The following FGF14 variants were observed in gnomAD, a reference collection of about 807,000 sequenced individuals.
FGF14 encodes the protein fibroblast growth factor homologous factor 4.
In FGF14, 5 loss-of-function variants were observed where a neutral mutation model predicts 25.5. The ratio of observed to expected loss-of-function variants is 0.20; its 90% CI spans 0.10 to 0.41. FGF14 has a LOEUF of 0.41. FGF14 is among the 10% of genes least tolerant of loss of function. The pLI, the probability that FGF14 is intolerant of heterozygous loss-of-function variation, is 1.00. For synonymous variants in FGF14, 138 were observed against 118.3 expected (o/e 1.17, Z -1.08); for missense variants, 222 against 320.1 (o/e 0.69, Z 2.34).
intron 1 of FGF14, among the ~76,000 whole-genome samples, chr13:102,275,262 T>TTTCTCTCTCTCTCTC (rs2053473719): frequency 1.2e-4 from 8 of 68,914 alleles, no homozygotes; most frequent in African/African-American, 3.5e-4. Flanking sequence ...CTCTCTCTCT[T>TTTCTCTCTCTCTCTC]TCTCTCTCTC....
chr13:101,973,789 T>C (rs1011196793), intron 1 of FGF14, among the ~76,000 whole-genome samples: 1 of 152,198 alleles, frequency 6.6e-6, no homozygotes, highest in African/African-American at 2.4e-5. Context: ...TAATCTCCTT[T>C]GGCAACACCC....
intron 1 of FGF14, among the ~76,000 whole-genome samples, chr13:102,205,729 T>C (rs188793521): frequency 1.0e-3 from 122 of 119,404 alleles, no homozygotes; most frequent in African/African-American, 4.0e-3. Context: ...CCGAGAAAGG[T>C]TGAGAGACAA....
intron 4 of FGF14, among the ~76,000 whole-genome samples, chr13:101,725,463 A>C (rs117931506): frequency 0.01 from 1,565 of 152,188 alleles, 14 homozygotes; most frequent in Non-Finnish European, 0.017. Flanking sequence ...AATATAATTA[A>C]GAGTGACACT....
chr13:102,158,861 A>G (rs1053343867), intron 1 of FGF14, among the ~76,000 whole-genome samples: 5 of 152,160 alleles, frequency 3.3e-5, no homozygotes, highest in African/African-American at 9.7e-5. Context: ...ACATTCGGCC[A>G]GGTGCAGTGG....
At chr13:102,037,680 C>T (rs528279768) in intron 1 of FGF14, among the ~76,000 whole-genome samples, 1 of 152,214 alleles carries the variant, frequency 6.6e-6, no homozygotes, top group African/African-American at 2.4e-5. Context: ...CAGCAGTTTG[C>T]TAAATTTGTT....
At chr13:102,251,747 C>T (rs563137583) in intron 1 of FGF14, among the ~76,000 whole-genome samples, 1 of 152,286 alleles carries the variant, frequency 6.6e-6, no homozygotes, top group East Asian at 1.9e-4. Context: ...TCAGATGCCA[C>T]ACCCTTTACA....
intron 1 of FGF14, among the ~76,000 whole-genome samples, chr13:102,034,183 C>T (rs2041355755): frequency 6.6e-6 from 1 of 152,064 alleles, no homozygotes; most frequent in Non-Finnish European, 1.5e-5. Context: ...AGAGACTGTA[C>T]CCTCCAGAAG....
At chr13:102,072,453 G>A (rs987591615) in intron 1 of FGF14, among the ~76,000 whole-genome samples, 2 of 152,100 alleles carry the variant, frequency 1.3e-5, no homozygotes, top group African/African-American at 4.8e-5. Context: ...AACAAAAGTA[G>A]CAATTAATAG....
chr13:102,275,181 T>C (rs1477943028), intron 1 of FGF14, among the ~76,000 whole-genome samples: 2 of 151,392 alleles, frequency 1.3e-5, no homozygotes, highest in African/African-American at 2.4e-5. Flanking sequence ...TGGGTAATAC[T>C]TCCTGTAATG....
At chr13:101,891,533 C>T (rs1212534389) in intron 1 of FGF14, among the ~76,000 whole-genome samples, 1 of 152,086 alleles carries the variant, frequency 6.6e-6, no homozygotes, top group Non-Finnish European at 1.5e-5. Flanking sequence ...GAATGACAGC[C>T]ATCATTTAGC....
chr13:102,296,610 T>C (rs893521501), intron 1 of FGF14, among the ~76,000 whole-genome samples: 2 of 152,198 alleles, frequency 1.3e-5, no homozygotes, highest in Non-Finnish European at 2.9e-5. Context: ...TATTTAGTCT[T>C]GAGCTTGAAG....
At chr13:102,205,934 TCA>T (rs2049890739) in intron 1 of FGF14, among the ~76,000 whole-genome samples, 1 of 129,948 alleles carries the variant, frequency 7.7e-6, no homozygotes, top group Non-Finnish European at 1.6e-5. Context: ...CGTGGACCAG[TCA>T]CTGGGACTTG....
intron 4 of FGF14, among the ~76,000 whole-genome samples, chr13:101,724,480 A>G (rs1450996310): frequency 1.3e-5 from 2 of 151,550 alleles, no homozygotes; most frequent in African/African-American, 4.9e-5. Flanking sequence ...ATTAGGAGAT[A>G]TACCTAATGT....
intron 1 of FGF14, among the ~76,000 whole-genome samples, chr13:101,953,872 G>A (rs890656340): frequency 2.0e-5 from 3 of 152,084 alleles, no homozygotes; most frequent in Non-Finnish European, 4.4e-5. Context: ...TTACAGGAGT[G>A]AGTCACCGTG....
rs2139609465 is a variant in FGF14, at chr13:101,712,838, A to G, written c.*9993T>C. On this transcript the variant is annotated 3_prime_UTR_variant, in exon 5 of 5. Coordinates refer to ENST00000376143, the MANE Select transcript of FGF14 (RefSeq NM_004115.4). Reference sequence around the variant, plus strand: ...GGATAAAGAAATCTCTAAAATCAGGAAATTCCTCACCTTGATGAGACCACA... The same window carrying G: ...GGATAAAGAAATCTCTAAAATCAGGGAATTCCTCACCTTGATGAGACCACA... 1 of 152,302 alleles carries G rather than the reference A, an allele frequency of 6.6e-6. No individual in the cohort carries two copies. The highest frequency in any genetic ancestry group is 2.1e-4 in the South Asian group (1 of 4,830). The allele number at this position is 152,302 out of a possible 1,614,324, so 9.4% of individuals were successfully genotyped here. A position where few individuals can be genotyped will look rare whatever the true frequency, so the allele number is the denominator to read the frequency against.
At chr13:102,319,477 C>T (rs900648786) in intron 1 of FGF14, among the ~76,000 whole-genome samples, 1 of 152,188 alleles carries the variant, frequency 6.6e-6, no homozygotes, top group African/African-American at 2.4e-5. Context: ...GGCTTGCCCC[C>T]ACCAGCACAC....
At chr13:102,302,466 T>G (rs1014687903) in intron 1 of FGF14, among the ~76,000 whole-genome samples, 7 of 152,060 alleles carry the variant, frequency 4.6e-5, no homozygotes, top group African/African-American at 1.4e-4. Context: ...CTATACTGAT[T>G]TCCAGGTGGA....
At chr13:102,043,290 T>C (rs2041829774) in intron 1 of FGF14, among the ~76,000 whole-genome samples, 1 of 152,212 alleles carries the variant, frequency 6.6e-6, no homozygotes. Flanking sequence ...GTCTTTGTTC[T>C]TCTCAGGACT....
rs2038440757 is a variant in FGF14 at position 101,766,888 on chromosome 13, G to A, written c.409-40078C>T. On this transcript the variant is annotated intron_variant, in intron 3 of 4. Transcript: ENST00000376143. ...GCACCTCCTGGGAATGAGGAGAGAG[G>A]CATAGAACTGATTCTCCTTCAGATC... Among the ~76,000 whole-genome samples, 4 of 152,048 alleles carry A rather than the reference G, an allele frequency of 2.6e-5. No individual in the cohort carries two copies. The South Asian group carries it at 8.3e-4, about 32-fold the overall frequency.
Sources: allele counts gnomAD v4.1 joint callset (sites outside exome capture counted in the v4.1 genomes callset), GRCh38; gene constraint gnomAD v4.1.1; transcripts MANE v1.5; gene names NCBI Gene and HGNC (gene_info 2026-07-23, HGNC 2026-07-21).